SRPK2: variants seen among roughly 807,000 people sequenced by gnomAD.
SRPK2 encodes SFRS protein kinase 2.
In SRPK2, 21 loss-of-function variants were observed where a neutral mutation model predicts 90.8. That is an observed-to-expected ratio of 0.23 (90% CI 0.16 to 0.33). The LOEUF (loss-of-function observed/expected upper bound fraction) is 0.33, where lower values mean the gene tolerates loss of function less well. SRPK2 is among the 10% of genes least tolerant of loss of function. The pLI, the probability that SRPK2 is intolerant of heterozygous loss-of-function variation, is 1.00. For missense variants in SRPK2, 620 were observed against 869.0 expected (o/e 0.71, Z 3.60); for synonymous variants, 288 against 311.1 (o/e 0.93, Z 0.78).
intron 2 of SRPK2, among the ~76,000 whole-genome samples, chr7:105,376,955 C>T (rs753058000): frequency 6.7e-6 from 1 of 149,058 alleles, no homozygotes; most frequent in Non-Finnish European, 1.5e-5. Flanking sequence ...ACAAACAAAA[C>T]AAAAAGGACC....
At position 105,168,092 on chromosome 7, in the gene SRPK2, C is replaced by A. The variant is rs56666353; in HGVS notation, c.342G>T (p.Gly114=). The A allele has an allele frequency of 9.9e-6, 16 of 1,609,092 alleles. No homozygotes were observed. The East Asian group carries it at 3.6e-4, about 36-fold the overall frequency. The change falls in exon 5 of 16, where the codon GGG becomes GGT. Residue 114 remains glycine (G), a synonymous_variant. Coordinates refer to ENST00000393651, the MANE Select transcript of SRPK2 (RefSeq NM_182692.3). ...CAACTTTCATTGCAACAAATCTTTT[C>A]CCCCTAAAAGAAAAAACAAAAAAAG... is the stretch of plus-strand genomic sequence containing the variant. ...STVWLCWDMQ[G]KRFVAMKVVK...
chr7:105,381,716 C>A lies in SRPK2; in HGVS notation c.71+6932G>T, dbSNP rs553470402. On this transcript the variant is annotated intron_variant, in intron 2 of 15. Transcript: ENST00000393651. ...TAAGCAAAAATGTTTGTTGAATAAA[C>A]AAATGTGTAAAAAAATAAGAAATGA... Among the ~76,000 whole-genome samples the A allele has an allele frequency of 1.1e-4, 17 of 152,092 alleles. No homozygotes were observed. In the South Asian group the frequency reaches 2.9e-3, roughly 26 times the overall value.
intron 2 of SRPK2, among the ~76,000 whole-genome samples, chr7:105,261,583 T>C (rs1241181114): frequency 6.6e-6 from 1 of 152,076 alleles, no homozygotes; most frequent in Non-Finnish European, 1.5e-5. Context: ...TGACAGTTTG[T>C]AACAAAATTA....
chr7:105,286,633 T>C (rs1278676833), intron 2 of SRPK2, among the ~76,000 whole-genome samples: 1 of 152,224 alleles, frequency 6.6e-6, no homozygotes, highest in East Asian at 1.9e-4. Context: ...AAAAGTTCCA[T>C]AAGCAATTCT....
chr7:105,249,284 T>C (rs1802162292), intron 2 of SRPK2, among the ~76,000 whole-genome samples: 1 of 152,216 alleles, frequency 6.6e-6, no homozygotes, highest in Non-Finnish European at 1.5e-5. Flanking sequence ...TCTTAAGTCA[T>C]ACACTTACTG....
At chr7:105,170,902 A>AG (rs1790893407) in intron 3 of SRPK2, among the ~76,000 whole-genome samples, 1 of 101,404 alleles carries the variant, frequency 9.9e-6, no homozygotes, top group East Asian at 3.1e-4. Context: ...AAAGAAAGAA[A>AG]GAAAGAAAGA....
intron 2 of SRPK2, among the ~76,000 whole-genome samples, chr7:105,343,203 TGG>T (rs896143801): frequency 2.0e-5 from 3 of 151,966 alleles, no homozygotes; most frequent in African/African-American, 7.3e-5. Context: ...GAGGCAAAGG[TGG>T]GATGATTGCT....
At chr7:105,172,068 G>A (rs1267984806) in intron 3 of SRPK2, among the ~76,000 whole-genome samples, 6 of 151,870 alleles carry the variant, frequency 4.0e-5, no homozygotes, top group South Asian at 4.1e-4. Flanking sequence ...TAATTTTTGC[G>A]TTTTTAGTAG....
intron 15 of SRPK2, among the ~76,000 whole-genome samples, chr7:105,123,084 G>GA (rs1324845556): frequency 6.6e-6 from 1 of 152,044 alleles, no homozygotes; most frequent in African/African-American, 2.4e-5. Context: ...ACAGGACAGG[G>GA]AAAAAATTCA....
chr7:105,195,009 T>C (rs1157192804), intron 3 of SRPK2, among the ~76,000 whole-genome samples: 2 of 152,356 alleles, frequency 1.3e-5, no homozygotes, highest in Middle Eastern at 3.4e-3. Context: ...CACATACTGC[T>C]GACATTTTGG....
At chr7:105,306,612 G>A (rs1369512874) in intron 2 of SRPK2, 17 of 406,748 alleles carry the variant, frequency 4.2e-5, no homozygotes, top group Non-Finnish European at 8.1e-5. Flanking sequence ...AAACATGTTG[G>A]CTAACTGCTA....
At chr7:105,252,619 G>A (rs1802626918) in intron 2 of SRPK2, among the ~76,000 whole-genome samples, 1 of 152,040 alleles carries the variant, frequency 6.6e-6, no homozygotes, top group East Asian at 1.9e-4. Flanking sequence ...TTCCACTTAG[G>A]CAGCACTGGC....
At chr7:105,365,487 CA>C (rs374198950) in intron 2 of SRPK2, among the ~76,000 whole-genome samples, 1,222 of 69,658 alleles carry the variant, frequency 0.018, 11 homozygotes, top group African/African-American at 0.053. Flanking sequence ...AATTCTGTCT[CA>C]AAAAAAAAAA....
intron 6 of SRPK2, among the ~76,000 whole-genome samples, chr7:105,162,001 G>A (rs1247962271): frequency 6.6e-6 from 1 of 152,182 alleles, no homozygotes; most frequent in Non-Finnish European, 1.5e-5. Context: ...TCTTGCCTTA[G>A]ATTCCCAAGT....
At chr7:105,282,119 T>G (rs552209347) in intron 2 of SRPK2, among the ~76,000 whole-genome samples, 9 of 152,184 alleles carry the variant, frequency 5.9e-5, no homozygotes, top group South Asian at 2.1e-4. Context: ...GGCCTAAGGG[T>G]GGACATTTAA....
chr7:105,310,150 A>T (rs187975496), intron 2 of SRPK2, among the ~76,000 whole-genome samples: 2 of 152,278 alleles, frequency 1.3e-5, no homozygotes, highest in East Asian at 3.9e-4. Context: ...AAGGCTAGGG[A>T]GATGAGCCTG....
chr7:105,306,141 A>AT lies in SRPK2; in HGVS notation c.71+82506dup, dbSNP rs934942010. The AT allele has an allele frequency of 4.6e-3, 766 of 165,510 alleles. 3 individuals carry two copies. Among genetic ancestry groups the AT allele is most frequent in the African/African-American group, 0.014 (600 of 41,478 alleles). The allele number at this position is 165,510 out of a possible 1,614,324, so 10.3% of individuals were successfully genotyped here. ...ATGAGGTACCAAAAGAAGTAAGAGG[A>AT]TTTTTTTTTAAGGCATCTGATGTAG... On this transcript the variant is annotated intron_variant, in intron 2 of 15. Coordinates refer to ENST00000393651, the MANE Select transcript of SRPK2 (RefSeq NM_182692.3).
At chr7:105,146,734 T>A (rs1270824596) in intron 7 of SRPK2, 76 bp from the exon 8 acceptor site, 2 of 1,421,616 alleles carry the variant, frequency 1.4e-6, no homozygotes, top group Non-Finnish European at 9.7e-7. Flanking sequence ...TTGAAAAACA[T>A]GTAATACAAT....
intron 3 of SRPK2, among the ~76,000 whole-genome samples, chr7:105,179,510 T>C (rs551066723): frequency 6.6e-6 from 1 of 152,280 alleles, no homozygotes; most frequent in South Asian, 2.1e-4. Flanking sequence ...TATGATAATT[T>C]ACAGCTGGTA....
Sources: allele counts gnomAD v4.1 joint callset (sites outside exome capture counted in the v4.1 genomes callset), GRCh38; gene constraint gnomAD v4.1.1; transcripts MANE v1.5; gene names NCBI Gene and HGNC (gene_info 2026-07-23, HGNC 2026-07-21).